SPON1: variants seen among roughly 807,000 people sequenced by gnomAD.
SPON1 encodes spondin 1, also known as spondin-1.
Under a neutral mutation model 111.7 loss-of-function variants are expected in SPON1, and 52 were observed. The observed-to-expected ratio is 0.47, with a 90% CI of 0.37 to 0.59. The LOEUF (loss-of-function observed/expected upper bound fraction) is 0.59. Ranked by LOEUF, SPON1 falls within the 20% of genes least tolerant of loss-of-function variation. The pLI, the probability that SPON1 is intolerant of heterozygous loss-of-function variation, is 0.00. For missense variants in SPON1, 957 were observed against 1,068.5 expected (o/e 0.90, Z 1.46); for synonymous variants, 410 against 395.8 (o/e 1.04, Z -0.43).
At chr11:14,126,385 C>T (rs572629220) in intron 5 of SPON1, among the ~76,000 whole-genome samples, 1 of 152,228 alleles carries the variant, frequency 6.6e-6, no homozygotes, top group East Asian at 1.9e-4. Flanking sequence ...TGAATGCTGG[C>T]AATTTAGTAC....
chr11:13,965,868 G>C (rs1848012145), intron 1 of SPON1, among the ~76,000 whole-genome samples: 3 of 152,118 alleles, frequency 2.0e-5, no homozygotes, highest in African/African-American at 7.2e-5. Context: ...CATTCCCCTG[G>C]TGTTCTATTT....
chr11:13,986,721 A>G (rs1355177399), intron 2 of SPON1, among the ~76,000 whole-genome samples: 1 of 150,342 alleles, frequency 6.7e-6, no homozygotes, highest in Non-Finnish European at 1.5e-5. Flanking sequence ...CTAGCCCCCG[A>G]CCCCCCGACA....
At chr11:13,963,265 G>C in intron 1 of SPON1, 123 bp downstream of exon 1, 1 of 686,948 alleles carries the variant, frequency 1.5e-6, no homozygotes, top group Non-Finnish European at 2.3e-6. Context: ...GCCCGGCAAG[G>C]GCCCTTCTGT....
intron 5 of SPON1, among the ~76,000 whole-genome samples, chr11:14,105,405 C>T (rs1279228577): frequency 6.6e-6 from 1 of 152,124 alleles, no homozygotes; most frequent in African/African-American, 2.4e-5. Context: ...TCCAATTCTA[C>T]ATTTTACCTA....
chr11:13,967,166 G>T (rs1256095984), intron 1 of SPON1, among the ~76,000 whole-genome samples: 1 of 152,188 alleles, frequency 6.6e-6, no homozygotes, highest in Non-Finnish European at 1.5e-5. Context: ...TCTCAGGTCT[G>T]TCTGACTCCT....
intron 7 of SPON1, among the ~76,000 whole-genome samples, chr11:14,253,953 G>A (rs1469895562): frequency 6.6e-6 from 1 of 152,230 alleles, no homozygotes; most frequent in Non-Finnish European, 1.5e-5. Flanking sequence ...GAGAATCTGT[G>A]TGACACAAAG....
At chr11:14,261,229 C>T (rs1452441884) in intron 14 of SPON1, among the ~76,000 whole-genome samples, 8 of 152,308 alleles carry the variant, frequency 5.3e-5, no homozygotes, top group South Asian at 4.1e-4. Flanking sequence ...CACCCCACCC[C>T]GCTCCACTCC....
intron 2 of SPON1, among the ~76,000 whole-genome samples, chr11:13,986,651 T>C (rs1420328897): frequency 6.6e-6 from 1 of 151,910 alleles, no homozygotes; most frequent in Non-Finnish European, 1.5e-5. Flanking sequence ...GCCATGGTGG[T>C]TTGCTGCACT....
chr11:14,037,113 ATTTTAT>A (rs1466339072), intron 2 of SPON1, among the ~76,000 whole-genome samples: 16 of 151,960 alleles, frequency 1.1e-4, no homozygotes, highest in African/African-American at 3.9e-4. Context: ...TTTTTTTTTA[ATTTTAT>A]TATTATTATA....
At chr11:14,113,485 A>G (rs1591378926) in intron 5 of SPON1, among the ~76,000 whole-genome samples, 1 of 146,296 alleles carries the variant, frequency 6.8e-6, no homozygotes, top group Non-Finnish European at 1.5e-5. Context: ...AGCCCTAGAC[A>G]CTCATCAATC....
chr11:14,189,341 G>A (rs527982399), intron 6 of SPON1, among the ~76,000 whole-genome samples: 1 of 152,300 alleles, frequency 6.6e-6, no homozygotes, highest in East Asian at 1.9e-4. Flanking sequence ...CACCTCTGAT[G>A]TCCAACCCCA....
intron 6 of SPON1, among the ~76,000 whole-genome samples, chr11:14,231,555 T>C (rs6486183): frequency 0.82 from 124,536 of 152,164 alleles, 51,072 homozygotes; most frequent in East Asian, 0.89. Context: ...AGTTCCCTTC[T>C]CCTGAGGCAA....
intron 4 of SPON1, among the ~76,000 whole-genome samples, chr11:14,077,918 AAG>A (rs781973540): frequency 9.2e-5 from 14 of 152,142 alleles, no homozygotes; most frequent in Non-Finnish European, 1.9e-4. Context: ...AAGGAAGAAA[AAG>A]GGAAGAGGAA....
At chr11:14,091,186 AT>A (rs1163080821) in intron 5 of SPON1, among the ~76,000 whole-genome samples, 1 of 152,158 alleles carries the variant, frequency 6.6e-6, no homozygotes, top group African/African-American at 2.4e-5. Context: ...CAGGGTGCTG[AT>A]TGGTGTGTTT....
chr11:14,177,679 T>C (rs1173400977), intron 6 of SPON1, among the ~76,000 whole-genome samples: 1 of 152,188 alleles, frequency 6.6e-6, no homozygotes, highest in Non-Finnish European at 1.5e-5. Context: ...GCCGTCCCCA[T>C]AGGTGACCAA....
intron 6 of SPON1, among the ~76,000 whole-genome samples, chr11:14,148,326 T>C (rs755830821): frequency 1.3e-5 from 2 of 152,124 alleles, no homozygotes; most frequent in Non-Finnish European, 2.9e-5. Context: ...TATAAGAATA[T>C]TAATAGTGGT....
chr11:14,147,783 C>A (rs1847740364), intron 6 of SPON1, among the ~76,000 whole-genome samples: 2 of 129,358 alleles, frequency 1.5e-5, no homozygotes, highest in Admixed American at 1.6e-4. Context: ...TCTCGCTAAA[C>A]AAAGGGCTAA....
chr11:14,007,478 C>T (rs1848371037), intron 2 of SPON1, among the ~76,000 whole-genome samples: 1 of 152,158 alleles, frequency 6.6e-6, no homozygotes, highest in Non-Finnish European at 1.5e-5. Context: ...ACATTTTCTG[C>T]CTGCTTTATA....
At chr11:14,060,644 C>CT (rs1258148593) in intron 3 of SPON1, among the ~76,000 whole-genome samples, 1 of 152,200 alleles carries the variant, frequency 6.6e-6, no homozygotes, top group Non-Finnish European at 1.5e-5. Context: ...AAATTCTGAT[C>CT]TCATCTGTCT....
Sources: gnomAD v4.1 joint callset for allele counts (sites outside exome capture counted in the v4.1 genomes callset) on GRCh38, gnomAD v4.1.1 for gene constraint, MANE v1.5 for transcripts, NCBI Gene and HGNC (gene_info 2026-07-23, HGNC 2026-07-21) for gene names.